The following SSC5D variants were observed in gnomAD, a reference collection of about 807,000 sequenced individuals.
The protein encoded by SSC5D is soluble scavenger receptor cysteine-rich domain-containing protein SSC5D.
In SSC5D, 106 loss-of-function variants were observed where a neutral mutation model predicts 104.6. The observed-to-expected ratio is 1.01, with a 90% CI of 0.87 to 1.19. The LOEUF is 1.19. Ranked by LOEUF, SSC5D falls within the 50% of genes most tolerant of loss-of-function variation. The probability of loss-of-function intolerance (pLI) is 0.00; values close to 1 mark genes in which losing one functional copy is unlikely to be tolerated. For synonymous variants in SSC5D, 860 were observed against 883.5 expected (o/e 0.97, Z 0.47); for missense variants, 1,993 against 2,153.8 (o/e 0.93, Z 1.48).
At chr19:55,490,534 G>A (rs1048980491) in intron 5 of SSC5D, 126 bp downstream of exon 5, 29 of 608,422 alleles carry the variant, frequency 4.8e-5, no homozygotes, top group Non-Finnish European at 6.6e-5. Context: ...AGTGTTCCCC[G>A]CGTCCCTCCC....
In SSC5D at chr19:55,493,784, G is replaced by A; in HGVS notation, c.1085G>A (p.Gly362Glu). The A allele has an allele frequency of 1.9e-6, 3 of 1,547,826 alleles. No homozygotes were observed. Among genetic ancestry groups the A allele is most frequent in the Non-Finnish European group, 2.6e-6 (3 of 1,146,248 alleles). Residue 362 changes from glycine (G) to glutamate (E), a missense_variant, in exon 7 of 14, where the codon GGG becomes GAG. Physicochemically the swap from Gly to Glu is moderately conservative, Grantham distance 98. Coordinates refer to ENST00000389623, the MANE Select transcript of SSC5D (RefSeq NM_001144950.2). ...CCCGGGGGCGCCTTCTTTGGGGAGG[G>A]GTCTGGACCCATCATCCTGGACGAC... ...AAPGGAFFGE[G>E]SGPIILDDLR...
In SSC5D at chr19:55,518,851, G is replaced by A. The variant is rs367755403; in HGVS notation, c.4575G>A (p.Leu1525=). 140 of 1,550,362 alleles carry A rather than the reference G, an allele frequency of 9.0e-5. 2 individuals carry two copies. The East Asian group carries it at 2.0e-3, about 22-fold the overall frequency. ...RQERQALLLG[L]TQLVEAARGL... is the part of the protein sequence containing the mutation. ...AGCGCCAAGCCCTGCTGCTGGGGCT[G>A]ACGCAGCTGGTAGAAGCTGCCCGGG... Residue 1525 remains leucine (L), a synonymous_variant, in exon 14 of 14, where the codon CTG becomes CTA. Coordinates refer to ENST00000389623, the MANE Select transcript of SSC5D (RefSeq NM_001144950.2).
In SSC5D at chr19:55,493,867, C is replaced by T; in HGVS notation, c.1168C>T (p.Gln390Ter). Residue 390 changes from glutamine to a stop codon, truncating the protein, a stop_gained, in exon 7 of 14, where the codon CAG becomes TAG. Transcript: ENST00000389623. LOFTEE classifies it high-confidence loss of function. The part of the protein sequence containing the change: ...LRFCPARPWG[Q>*]HDCHHREDAG... The stretch of plus-strand genomic sequence containing the variant: ...ATTCTGCCCAGCTCGGCCCTGGGGC[C>T]AGCATGACTGTCACCACCGCGAGGA... 1.3e-6 allele frequency: 2 copies of T among 1,548,878 alleles called. No individual in the cohort carries two copies. The highest frequency in any genetic ancestry group is 1.2e-5 in the South Asian group (1 of 84,052).
chr19:55,504,661 G>A (rs1393483626), intron 12 of SSC5D, among the ~76,000 whole-genome samples: 2 of 152,048 alleles, frequency 1.3e-5, no homozygotes, highest in South Asian at 2.1e-4. Flanking sequence ...CCACCACACC[G>A]GGCTAATTTT....
At chr19:55,492,639 C>T (rs1264590221) in intron 6 of SSC5D, 1 of 152,160 alleles carries the variant, frequency 6.6e-6, no homozygotes, top group South Asian at 2.1e-4. Flanking sequence ...TTCTCTAGAA[C>T]AGTGATTGGG....
Position 55,489,477 on chromosome 19 carries a change from G to T in SSC5D, c.176G>T (p.Arg59Leu). The change falls in exon 3 of 14, where the codon CGG becomes CTG. Residue 59 changes from arginine to leucine, a missense_variant. Physicochemically the swap from Arg to Leu is moderately radical, Grantham distance 102. Around this residue, in one of 6 missense-constraint regions of SSC5D, gnomAD observed 1,101 missense variants for 1,085.0 expected, o/e 1.01. Transcript: ENST00000389623. ...CTGCGCGATGCCGCCGTGGCCTGCC[G>T]GCAGCTGGGCTGCGGAGGGGCACTG... ...WDLRDAAVACRQLGCGGALAA... is the reference protein window; with the variant it reads ...WDLRDAAVACLQLGCGGALAA... 1.4e-6 allele frequency: 2 copies of T among 1,472,814 alleles called. No individual in the cohort carries two copies. Among genetic ancestry groups the T allele is most frequent in the Middle Eastern group, 1.9e-4 (1 of 5,204 alleles). The allele number at this position is 1,472,814 out of a possible 1,614,324, so 91.2% of individuals were successfully genotyped here.
Position 55,498,014 on chromosome 19 carries a change from C to G in SSC5D, c.1522C>G (p.Leu508Val). The change falls in exon 9 of 14, where the codon CTG (leucine) becomes GTG (valine). Residue 508 changes from leucine to valine, a missense_variant. Transcript: ENST00000389623. ...MRDSAVVCRELGCGGPQQPDP... is the reference protein window; with the variant it reads ...MRDSAVVCREVGCGGPQQPDP... The stretch of plus-strand genomic sequence containing the variant: ...GGATTCAGCTGTGGTCTGCCGGGAG[C>G]TGGGCTGTGGTGGACCTCAGCAGCC... 6.4e-7 allele frequency: 1 copy of G among 1,551,752 alleles called. No homozygotes were observed. Among genetic ancestry groups the G allele is most frequent in the Non-Finnish European group, 8.7e-7 (1 of 1,147,012 alleles).
intron 4 of SSC5D, 116 bp downstream of exon 4, chr19:55,490,111 G>A: frequency 1.6e-6 from 1 of 629,574 alleles, no homozygotes; most frequent in Non-Finnish European, 2.7e-6. Flanking sequence ...CCCCCACCGA[G>A]GGGAGAGGGA....
At chr19:55,505,891 C>A (rs1029767342) in intron 12 of SSC5D, among the ~76,000 whole-genome samples, 1 of 151,562 alleles carries the variant, frequency 6.6e-6, no homozygotes, top group Non-Finnish European at 1.5e-5. Flanking sequence ...CGTGTGCCAC[C>A]ACTCCCGGCT....
chr19:55,508,363 T>C (rs981094345), intron 12 of SSC5D, among the ~76,000 whole-genome samples: 1 of 152,060 alleles, frequency 6.6e-6, no homozygotes, highest in Non-Finnish European at 1.5e-5. Context: ...TGGATGATGA[T>C]GAGGATAATG....
chr19:55,489,170 G>C, intron 2 of SSC5D, 138 bp downstream of exon 2: 1 of 979,766 alleles, frequency 1.0e-6, no homozygotes, highest in Non-Finnish European at 1.4e-6. Context: ...GCTCCGCAAG[G>C]GAATCCCCCA....
Position 55,489,371 on chromosome 19 carries a change from G to C in SSC5D, c.70G>C (p.Asp24His). 6.8e-7 allele frequency: 1 copy of C among 1,462,606 alleles called. No individual in the cohort carries two copies. Among genetic ancestry groups the C allele is most frequent in the Non-Finnish European group, 9.0e-7 (1 of 1,116,086 alleles). 90.6% of individuals were successfully genotyped at this position (1,462,606 alleles called of 1,614,324 possible). The stretch of plus-strand genomic sequence containing the variant: ...ACCCTCAGAGCGCCTGCGCCTGGCC[G>C]ATGGCCCCCATGGGTGCGCTGGCCG... ...IQAVERLRLA[D>H]GPHGCAGRLE... is the part of the protein sequence containing the mutation. The change falls in exon 3 of 14, where the codon GAT becomes CAT. Residue 24 changes from aspartate (D) to histidine (H), a missense_variant. Physicochemically the swap from Asp to His is moderately conservative, Grantham distance 81 (BLOSUM62 -1). This residue lies in a region of SSC5D where 1,101 missense variants were observed against 1,085.0 expected (regional missense o/e 1.01). Transcript: ENST00000389623.
Position 55,517,543 on chromosome 19 carries a change from G to A in SSC5D, c.3267G>A (p.Thr1089=), listed in dbSNP as rs1987901037. ...VPALTPEPSP[T]PLPTLPKELT... ...CGTTGACCCCGGAGCCCTCACCCAC[G>A]CCCTTACCCACCTTGCCCAAAGAGC... Residue 1089 remains threonine (T), a synonymous_variant, in exon 14 of 14, where the codon ACG becomes ACA. Transcript: ENST00000389623. 4 of 1,550,524 alleles carry A rather than the reference G, an allele frequency of 2.6e-6. No individual in the cohort carries two copies. The highest frequency in any genetic ancestry group is 4.9e-5 in the East Asian group (2 of 40,840).
Position 55,490,999 on chromosome 19 carries a change from C to A in SSC5D, c.814C>A (p.Gln272Lys). ...MDDVGCGGGE[Q>K]ALRDCPRSPW... is the part of the protein sequence containing the mutation. ...CGATGTGGGGTGTGGAGGAGGAGAA[C>A]AGGCCCTCCGAGACTGCCCCCGAAG... is the stretch of plus-strand genomic sequence containing the variant. The change falls in exon 6 of 14, where the codon CAG (glutamine) becomes AAG (lysine). Residue 272 changes from glutamine (Q) to lysine (K), a missense_variant. Gln to Lys is a moderately conservative substitution (Grantham distance 53). Coordinates refer to ENST00000389623, the MANE Select transcript of SSC5D (RefSeq NM_001144950.2). 6.5e-7 allele frequency: 1 copy of A among 1,549,556 alleles called. No homozygotes were observed. Among genetic ancestry groups the A allele is most frequent in the Middle Eastern group, 1.7e-4 (1 of 5,982 alleles).
At chr19:55,508,363 T>G (rs981094345) in intron 12 of SSC5D, among the ~76,000 whole-genome samples, 1 of 152,060 alleles carries the variant, frequency 6.6e-6, no homozygotes, top group Admixed American at 6.5e-5. Context: ...TGGATGATGA[T>G]GAGGATAATG....
rs371587289 is a variant in SSC5D at position 55,518,269 on chromosome 19, C to A, written c.3993C>A (p.Ser1331=). The A allele has an allele frequency of 3.2e-5, 49 of 1,550,152 alleles. 1 individual carries two copies. The highest frequency in any genetic ancestry group is 2.7e-4 in the East Asian group (11 of 40,778). ...TTPHPTTPDP[S]STPVITTVSL... ...CTCACCCCACAACTCCTGACCCTTC[C>A]TCAACCCCTGTCATCACTACTGTGT... Residue 1331 remains serine (S), a synonymous_variant, in exon 14 of 14, where the codon TCC becomes TCA. Transcript: ENST00000389623.
chr19:55,490,311 T>C lies in SSC5D; in HGVS notation c.489T>C (p.Ala163=). 7.7e-7 allele frequency: 1 copy of C among 1,300,756 alleles called. No individual in the cohort carries two copies. Among genetic ancestry groups the C allele is most frequent in the Non-Finnish European group, 1.1e-6 (1 of 925,914 alleles). 80.6% of individuals were successfully genotyped at this position (1,300,756 alleles called of 1,614,324 possible). Residue 163 remains alanine (A), a synonymous_variant, in exon 5 of 14, where the codon GCT becomes GCC. Transcript: ENST00000389623. ...CTCCACTCCCAGCCCCCCGCCCAGC[T>C]GGGAACCCCCAGAACGCCTCCCGGA... The part of the protein sequence containing the change: ...EPLVTHAPRP[A]GNPQNASRKK...
At position 55,495,232 on chromosome 19, in the gene SSC5D, T is replaced by TATATATATATATATATA. The variant is rs1568476922; in HGVS notation, c.1387+451_1387+452insATATATATATATATAAT. ...GCCTCCTTTCATATATATATATATA[T>TATATATATATATATATA]ATTTTTTTTTTTTTTTTTTTTTTTT... is the stretch of plus-strand genomic sequence containing the variant. On this transcript the variant is annotated intron_variant, in intron 8 of 13. Transcript: ENST00000389623. Among the ~76,000 whole-genome samples the TATATATATATATATATA allele has an allele frequency of 7.3e-5, 3 of 41,072 alleles. No individual in the cohort carries two copies. In the Admixed American group the frequency reaches 9.4e-4, roughly 13 times the overall value. The allele number at this position is 41,072 out of a possible 152,430, so 26.9% of individuals were successfully genotyped here. A position where few individuals can be genotyped will look rare whatever the true frequency, so the allele number is the denominator to read the frequency against.
At chr19:55,498,356 G>C (rs1444437918) in intron 9 of SSC5D, among the ~76,000 whole-genome samples, 159 bp downstream of exon 9, 1 of 152,202 alleles carries the variant, frequency 6.6e-6, no homozygotes, top group African/African-American at 2.4e-5. Flanking sequence ...AATAAGTCTA[G>C]GGTGGTGTGT....
Sources: allele counts gnomAD v4.1 joint callset (sites outside exome capture counted in the v4.1 genomes callset), GRCh38; gene constraint gnomAD v4.1.1; regional missense constraint gnomAD v4.1.1; transcripts MANE v1.5; gene names NCBI Gene and HGNC (gene_info 2026-07-23, HGNC 2026-07-21).